GRAP2: variants seen among roughly 807,000 people sequenced by gnomAD.
GRAP2 encodes GRB2-related adapter protein 2.
In GRAP2, 31 loss-of-function variants were observed where a neutral mutation model predicts 43.5. The ratio of observed to expected loss-of-function variants is 0.71; its 90% CI spans 0.54 to 0.96. The LOEUF (loss-of-function observed/expected upper bound fraction) is 0.96. GRAP2 is among the 40% of genes least tolerant of loss of function. The pLI, the probability that GRAP2 is intolerant of heterozygous loss-of-function variation, is 0.00. For missense variants in GRAP2, 371 were observed against 424.4 expected, an observed-to-expected ratio of 0.87 and a Z score of 1.11; for synonymous variants, 156 against 164.8, an observed-to-expected ratio of 0.95 and a Z score of 0.41.
intron 3 of GRAP2, 97 bp from the exon 4 acceptor site, chr22:39,959,958 C>G (rs979948642): frequency 2.7e-6 from 3 of 1,124,302 alleles, no homozygotes; most frequent in Non-Finnish European, 4.0e-6. Context: ...GTACAGAGTC[C>G]CCAGCCTCTT....
At chr22:39,894,608 T>A in the GRAP2 span, among the ~76,000 whole-genome samples, 2 of 152,188 alleles carry the variant, frequency 1.3e-5, no homozygotes, top group African/African-American at 2.4e-5. Context: ...GTAATAGTAG[T>A]CTATGAAGAG....
chr22:39,904,612 C>T (rs2066511998), intron 1 of GRAP2, among the ~76,000 whole-genome samples: 1 of 152,144 alleles, frequency 6.6e-6, no homozygotes, highest in Non-Finnish European at 1.5e-5. Flanking sequence ...AGAATAAAGG[C>T]ATTCCTCTAT....
chr22:39,957,240 A>G (rs547539109), intron 3 of GRAP2, among the ~76,000 whole-genome samples: 3 of 152,302 alleles, frequency 2.0e-5, no homozygotes, highest in African/African-American at 7.2e-5. Flanking sequence ...CACCAAACCA[A>G]GAGAATGACC....
At chr22:39,901,524 A>C (rs1239779534) in intron 1 of GRAP2, among the ~76,000 whole-genome samples, 194 bp downstream of exon 1, 1 of 152,220 alleles carries the variant, frequency 6.6e-6, no homozygotes, top group Non-Finnish European at 1.5e-5. Context: ...GACTTCTATC[A>C]AATGAACTGG....
At chr22:39,952,021 T>G (rs1007154685) in intron 2 of GRAP2, among the ~76,000 whole-genome samples, 7 of 139,390 alleles carry the variant, frequency 5.0e-5, no homozygotes, top group Non-Finnish European at 9.1e-5. Flanking sequence ...AGTGTGTGGT[T>G]TTTTTTTTTT....
chr22:39,907,723 C>T (rs2066533057), intron 1 of GRAP2, among the ~76,000 whole-genome samples: 1 of 152,212 alleles, frequency 6.6e-6, no homozygotes, highest in African/African-American at 2.4e-5. Flanking sequence ...GCCTGGGCAA[C>T]AGAGTGAGAT....
intron 1 of GRAP2, among the ~76,000 whole-genome samples, chr22:39,901,967 C>T (rs2066496263): frequency 2.0e-5 from 3 of 152,176 alleles, no homozygotes; most frequent in African/African-American, 4.8e-5. Context: ...CCAACTCTTC[C>T]TGAACGTGAG....
chr22:39,964,129 A>G (rs1345569013), intron 4 of GRAP2: 6 of 412,800 alleles, frequency 1.5e-5, no homozygotes, highest in Non-Finnish European at 2.6e-5. Context: ...GTTTATTTTT[A>G]GATATAAATG....
chr22:39,968,013 A>G (rs763877735), intron 5 of GRAP2, 29 bp from the exon 6 acceptor site: 2 of 1,602,576 alleles, frequency 1.2e-6, no homozygotes, highest in South Asian at 1.1e-5. Context: ...AGGAGGATGC[A>G]TCTGCAGCAT....
chr22:39,902,434 A>C (rs1044480953), intron 1 of GRAP2, among the ~76,000 whole-genome samples: 3 of 152,212 alleles, frequency 2.0e-5, no homozygotes, highest in African/African-American at 7.2e-5. Context: ...TCTGCTATTA[A>C]ATAAGGAACA....
intron 4 of GRAP2, chr22:39,960,451 T>C: frequency 2.5e-6 from 1 of 404,174 alleles, no homozygotes; most frequent in Non-Finnish European, 4.6e-6. Flanking sequence ...AGGATTTTCC[T>C]CTACTTCATC....
chr22:39,971,777 G>A lies in GRAP2; in HGVS notation c.*693G>A, dbSNP rs974187515. 8 of 152,204 alleles carry A rather than the reference G, an allele frequency of 5.3e-5. No individual in the cohort carries two copies. The highest frequency in any genetic ancestry group is 3.9e-4 in the Admixed American group (6 of 15,282). 9.4% of individuals were successfully genotyped at this position (152,204 alleles called of 1,614,324 possible). A position where few individuals can be genotyped will look rare whatever the true frequency, so the allele number is the denominator to read the frequency against. The stretch of plus-strand genomic sequence containing the variant: ...AAATGAATGTTTCAATGTGAGGAGC[G>A]AAGTACTGGGAAATCGAGGGATTTT... On this transcript the variant is annotated 3_prime_UTR_variant, in exon 8 of 8. Transcript: ENST00000344138.
intron 1 of GRAP2, among the ~76,000 whole-genome samples, chr22:39,913,342 G>A (rs998334071): frequency 9.9e-5 from 15 of 152,100 alleles, no homozygotes; most frequent in South Asian, 4.1e-4. Context: ...TCTCAAAATC[G>A]TGTTAGACAT....
In GRAP2 at chr22:39,973,467, C is replaced by T. The variant is rs2067265781; in HGVS notation, c.*2383C>T. The T allele has an allele frequency of 1.3e-5, 2 of 152,202 alleles. No individual in the cohort carries two copies. The highest frequency in any genetic ancestry group is 2.4e-5 in the African/African-American group (1 of 41,444). 9.4% of individuals were successfully genotyped at this position (152,202 alleles called of 1,614,324 possible). A position where few individuals can be genotyped will look rare whatever the true frequency, so the allele number is the denominator to read the frequency against. On this transcript the variant is annotated 3_prime_UTR_variant, in exon 8 of 8. Transcript: ENST00000344138. ...AGGCAGGCGGTATGAGCAGAGCTTTCAGAACCCCTGGAGCTCGGTGTTCTG... is the reference window on the plus strand; with the variant it reads ...AGGCAGGCGGTATGAGCAGAGCTTTTAGAACCCCTGGAGCTCGGTGTTCTG...
At chr22:39,960,371 C>T in intron 4 of GRAP2, 197 bp downstream of exon 4, 1 of 560,894 alleles carries the variant, frequency 1.8e-6, no homozygotes, top group Middle Eastern at 4.8e-4. Flanking sequence ...CTTTAGAACA[C>T]TGGTGTGTGT....
intron 1 of GRAP2, chr22:39,926,485 A>G (rs1480391347): frequency 8.1e-5 from 17 of 209,702 alleles, no homozygotes; most frequent in Non-Finnish European, 1.3e-4. Context: ...CCAACAAAAG[A>G]AAAAAAAAAA....
chr22:39,900,020 T>G (rs1201669560), upstream of GRAP2, among the ~76,000 whole-genome samples: 1 of 152,130 alleles, frequency 6.6e-6, no homozygotes, highest in Non-Finnish European at 1.5e-5. Context: ...AGAAAATTAC[T>G]TCCTTTAACT....
At chr22:39,944,869 T>C (rs1271261512) in intron 1 of GRAP2, among the ~76,000 whole-genome samples, 1 of 152,196 alleles carries the variant, frequency 6.6e-6, no homozygotes, top group Non-Finnish European at 1.5e-5. Flanking sequence ...CCTTCCCTTG[T>C]CTCCATCCTG....
chr22:39,922,416 A>G (rs2066660802), intron 1 of GRAP2, among the ~76,000 whole-genome samples: 1 of 152,154 alleles, frequency 6.6e-6, no homozygotes, highest in Non-Finnish European at 1.5e-5. Flanking sequence ...GCACATTGTA[A>G]ATTTAGGTAA....
Sources: allele counts gnomAD v4.1 joint callset (sites outside exome capture counted in the v4.1 genomes callset), GRCh38; gene constraint gnomAD v4.1.1; transcripts MANE v1.5; gene names NCBI Gene and HGNC (gene_info 2026-07-23, HGNC 2026-07-21).